APP: variants seen among roughly 807,000 people sequenced by gnomAD.
APP encodes the protein amyloid beta precursor protein.
A neutral mutation model predicts 101.4 loss-of-function variants in APP; 31 were observed. The observed-to-expected ratio is 0.31, with a 90% CI of 0.23 to 0.41. The LOEUF (loss-of-function observed/expected upper bound fraction) is 0.41, where lower values mean the gene tolerates loss of function less well. Ranked by LOEUF, APP falls within the 10% of genes least tolerant of loss-of-function variation. The probability of loss-of-function intolerance (pLI) is 1.00; values close to 1 mark genes in which losing one functional copy is unlikely to be tolerated. For synonymous variants in APP, 366 were observed against 364.4 expected, an observed-to-expected ratio of 1.00 and a Z score of -0.05; for missense variants, 839 against 1,003.7, an observed-to-expected ratio of 0.84 and a Z score of 2.22.
At chr21:25,943,622 T>A (rs1370961668) in intron 13 of APP, among the ~76,000 whole-genome samples, 1 of 151,622 alleles carries the variant, frequency 6.6e-6, no homozygotes, top group African/African-American at 2.4e-5. Context: ...CTAATTTTTT[T>A]ATTTTTAGTA....
chr21:26,063,051 A>G (rs920244927), intron 3 of APP, among the ~76,000 whole-genome samples: 1 of 152,224 alleles, frequency 6.6e-6, no homozygotes, highest in Non-Finnish European at 1.5e-5. Flanking sequence ...GGCATGAGCC[A>G]CTGTACCCAG....
At chr21:25,976,104 T>TTTAAATTCAA in intron 9 of APP, 76 bp from the exon 10 acceptor site, 1 of 1,237,746 alleles carries the variant, frequency 8.1e-7, no homozygotes, top group Non-Finnish European at 1.2e-6. Context: ...GATGGATGAT[T>TTTAAATTCAA]ATGTTTTTCC....
At chr21:25,974,279 T>C (rs746835190) in intron 11 of APP, among the ~76,000 whole-genome samples, 25 of 152,154 alleles carry the variant, frequency 1.6e-4, no homozygotes, top group Non-Finnish European at 3.1e-4. Flanking sequence ...TATACTTACA[T>C]GATGAGGGGG....
intron 1 of APP, among the ~76,000 whole-genome samples, chr21:26,117,493 C>A (rs1388641723): frequency 6.6e-6 from 1 of 152,156 alleles, no homozygotes; most frequent in Non-Finnish European, 1.5e-5. Flanking sequence ...AAATTAAAAT[C>A]AGAATCACAA....
intron 17 of APP, among the ~76,000 whole-genome samples, chr21:25,890,439 CT>C (rs1470216961): frequency 6.6e-6 from 1 of 152,172 alleles, no homozygotes; most frequent in Non-Finnish European, 1.5e-5. Context: ...GGACTTTTCT[CT>C]GATGGAAAAA....
At position 26,078,686 on chromosome 21, in the gene APP, C is replaced by A. The variant is rs575103273; in HGVS notation, c.355+11257G>T. 2.0e-4 allele frequency among the ~76,000 whole-genome samples: 31 copies of A among 152,290 alleles called. 1 individual carries two copies. The highest frequency in any genetic ancestry group is 7.5e-4 in the African/African-American group (31 of 41,562). On this transcript the variant is annotated intron_variant, in intron 3 of 17. Transcript: ENST00000346798. The stretch of plus-strand genomic sequence containing the variant: ...AATCCCAAAATCTTAAGTTTTGTCA[C>A]ACACAAATTCTGTTTTCTACTACAG...
At chr21:26,162,753 G>C (rs760369129) in intron 1 of APP, among the ~76,000 whole-genome samples, 7 of 148,660 alleles carry the variant, frequency 4.7e-5, no homozygotes, top group Non-Finnish European at 1.0e-4. Flanking sequence ...ATTCTCATAA[G>C]TATCTTTTAT....
At chr21:26,030,224 T>C (rs947997791) in intron 5 of APP, among the ~76,000 whole-genome samples, 1 of 152,196 alleles carries the variant, frequency 6.6e-6, no homozygotes, top group African/African-American at 2.4e-5. Context: ...TGTCAGGATA[T>C]AAAAAGTGCT....
At chr21:26,089,252 C>T (rs530176899) in intron 3 of APP, among the ~76,000 whole-genome samples, 1 of 152,138 alleles carries the variant, frequency 6.6e-6, no homozygotes, top group African/African-American at 2.4e-5. Flanking sequence ...CAACTAGGAA[C>T]AGACTAATAA....
intron 2 of APP, among the ~76,000 whole-genome samples, chr21:26,101,247 C>A (rs975156315): frequency 2.0e-5 from 3 of 151,734 alleles, no homozygotes; most frequent in Non-Finnish European, 4.4e-5. Context: ...TACAGGCGTG[C>A]GCCACCATGC....
intron 8 of APP, among the ~76,000 whole-genome samples, chr21:25,986,201 A>T (rs1187480417): frequency 1.3e-5 from 2 of 152,196 alleles, no homozygotes; most frequent in Admixed American, 6.5e-5. Context: ...GAATGTCAGG[A>T]TATGTCACAG....
intron 6 of APP, among the ~76,000 whole-genome samples, chr21:26,017,244 T>A: frequency 6.9e-6 from 1 of 145,224 alleles, no homozygotes; most frequent in Non-Finnish European, 1.5e-5. Context: ...ATCTTGGCTT[T>A]AAACGGGGAA....
At chr21:25,979,106 G>A (rs997818151) in intron 9 of APP, among the ~76,000 whole-genome samples, 5 of 151,958 alleles carry the variant, frequency 3.3e-5, no homozygotes. Flanking sequence ...TGCTAGTCAC[G>A]ACATATAGCA....
chr21:25,948,529 G>A (rs375737148), intron 13 of APP, among the ~76,000 whole-genome samples: 6 of 152,030 alleles, frequency 3.9e-5, no homozygotes, highest in Admixed American at 2.0e-4. Context: ...GATCTTTCCC[G>A]CATCTGGTTT....
chr21:25,913,330 T>C (rs929182623), intron 13 of APP, among the ~76,000 whole-genome samples: 1 of 152,228 alleles, frequency 6.6e-6, no homozygotes, highest in African/African-American at 2.4e-5. Flanking sequence ...TAATCTGAGT[T>C]ATAATATATC....
intron 6 of APP, among the ~76,000 whole-genome samples, chr21:26,014,417 T>C (rs753219274): frequency 6.6e-6 from 1 of 152,260 alleles, no homozygotes; most frequent in African/African-American, 2.4e-5. Flanking sequence ...ACTTCAAGTA[T>C]GTATTGCATT....
intron 1 of APP, among the ~76,000 whole-genome samples, chr21:26,139,180 GAA>G: frequency 6.6e-6 from 1 of 152,244 alleles, no homozygotes; most frequent in South Asian, 2.1e-4. Context: ...TAAGTAAATT[GAA>G]AAGTTTGTTA....
At chr21:25,948,846 ACAAAG>A (rs1327427458) in intron 13 of APP, among the ~76,000 whole-genome samples, 1 of 151,922 alleles carries the variant, frequency 6.6e-6, no homozygotes, top group Non-Finnish European at 1.5e-5. Context: ...TAACAATTTG[ACAAAG>A]CAAAGGTTGA....
intron 2 of APP, among the ~76,000 whole-genome samples, chr21:26,102,332 G>C (rs184175402): frequency 0.025 from 3,817 of 151,964 alleles, 119 homozygotes; most frequent in East Asian, 0.13. Context: ...CTCGTGATCT[G>C]CCCGCCTCGG....
Sources: gnomAD v4.1 joint callset for allele counts (sites outside exome capture counted in the v4.1 genomes callset) on GRCh38, gnomAD v4.1.1 for gene constraint, MANE v1.5 for transcripts, NCBI Gene and HGNC (gene_info 2026-07-23, HGNC 2026-07-21) for gene names.